Variants in ZNF169 observed in about 807,000 individuals in gnomAD.
The protein encoded by ZNF169 is zinc finger protein 169.
Under a neutral mutation model 12.0 loss-of-function variants are expected in ZNF169, and 11 were observed. The ratio of observed to expected loss-of-function variants is 0.92; its 90% CI spans 0.58 to 1.52. The LOEUF (loss-of-function observed/expected upper bound fraction) is 1.52, where lower values mean the gene tolerates loss of function less well. Ranked by LOEUF, ZNF169 falls within the 40% of genes most tolerant of loss-of-function variation. The probability of loss-of-function intolerance (pLI) is 0.00; values close to 1 mark genes in which losing one functional copy is unlikely to be tolerated. For missense variants in ZNF169, 722 were observed against 744.0 expected, an observed-to-expected ratio of 0.97 and a Z score of 0.34; for synonymous variants, 302 against 286.5, an observed-to-expected ratio of 1.05 and a Z score of -0.55.
intron 2 of ZNF169, among the ~76,000 whole-genome samples, chr9:94,280,348 G>C (rs535323210): frequency 9.3e-4 from 141 of 152,206 alleles, no homozygotes; most frequent in African/African-American, 3.1e-3. Context: ...ACTTTACTAT[G>C]TATGTTAACA....
In ZNF169 at chr9:94,278,753, C is replaced by T. The variant is rs1830567391; in HGVS notation, c.-55-5C>T. The T allele has an allele frequency of 1.3e-6, 2 of 1,560,262 alleles. No individual in the cohort carries two copies. The highest frequency in any genetic ancestry group is 3.4e-5 in the Admixed American group (2 of 59,174). On this transcript the variant is annotated splice_polypyrimidine_tract_variant and splice_region_variant and intron_variant, in intron 1 of 4. Transcript: ENST00000395395. ...ACCTCTCTCACTTCTCATCTCTTTC[C>T]CCAGATTTGCCTCTGCAACTTGACT... is the stretch of plus-strand genomic sequence containing the variant.
intron 4 of ZNF169, 173 bp downstream of exon 4, chr9:94,293,242 GA>G (rs1191741127): frequency 4.7e-6 from 3 of 643,686 alleles, no homozygotes; most frequent in African/African-American, 1.8e-5. Flanking sequence ...CTCCCCCCAG[GA>G]CAGGGCACCC....
intron 1 of ZNF169, among the ~76,000 whole-genome samples, chr9:94,265,759 A>G (rs915301764): frequency 3.3e-5 from 5 of 152,164 alleles, no homozygotes; most frequent in African/African-American, 1.2e-4. Context: ...AAGTGGGTCC[A>G]GGTGCTGGGG....
chr9:94,278,916 T>G (rs1830570444), intron 2 of ZNF169, 71 bp downstream of exon 2: 7 of 1,530,340 alleles, frequency 4.6e-6, no homozygotes, highest in Non-Finnish European at 6.3e-6. Context: ...GAAGGCTGCC[T>G]TCTTGGTGTT....
At chr9:94,280,341 T>G (rs1830605855) in intron 2 of ZNF169, among the ~76,000 whole-genome samples, 1 of 152,216 alleles carries the variant, frequency 6.6e-6, no homozygotes, top group Non-Finnish European at 1.5e-5. Context: ...GTGTTGCACT[T>G]TACTATGTAT....
intron 2 of ZNF169, among the ~76,000 whole-genome samples, chr9:94,285,210 G>A (rs942552306): frequency 2.0e-5 from 3 of 152,144 alleles, no homozygotes; most frequent in Non-Finnish European, 4.4e-5. Context: ...TGAGATAAAT[G>A]AAAGAATTAG....
At chr9:94,299,520 G>A in intron 4 of ZNF169, 1 of 1,326,426 alleles carries the variant, frequency 7.5e-7, no homozygotes, top group East Asian at 2.8e-5. Flanking sequence ...GGTTTAATAG[G>A]CTTGAGCTGG....
chr9:94,272,880 C>CTGTTTTGTTTTGTTT (rs534061540), intron 1 of ZNF169, among the ~76,000 whole-genome samples: 24 of 151,902 alleles, frequency 1.6e-4, no homozygotes, highest in African/African-American at 4.8e-4. Flanking sequence ...CACTTATTTT[C>CTGTTTTGTTTTGTTT]TGTTTTGTTT....
At chr9:94,288,865 T>C (rs1405137938) in intron 2 of ZNF169, among the ~76,000 whole-genome samples, 3 of 152,126 alleles carry the variant, frequency 2.0e-5, no homozygotes, top group Non-Finnish European at 4.4e-5. Flanking sequence ...TAGTTCTTTA[T>C]AGCAGGGTCC....
At chr9:94,283,914 C>CA (rs1470149101) in intron 2 of ZNF169, among the ~76,000 whole-genome samples, 4 of 150,008 alleles carry the variant, frequency 2.7e-5, no homozygotes, top group Admixed American at 1.3e-4. Context: ...ACTAAAAATA[C>CA]AAAAAAAATT....
At chr9:94,292,583 G>A in intron 3 of ZNF169, 116 bp downstream of exon 3, 3 of 1,346,138 alleles carry the variant, frequency 2.2e-6, no homozygotes, top group South Asian at 2.9e-5. Context: ...TTCCCCCAGA[G>A]AATGCCTGGC....
intron 1 of ZNF169, among the ~76,000 whole-genome samples, chr9:94,263,246 G>C (rs926443142): frequency 6.6e-6 from 1 of 152,018 alleles, no homozygotes; most frequent in African/African-American, 2.4e-5. Flanking sequence ...TTTGCTTCAC[G>C]TATTTTGAAG....
intron 4 of ZNF169, among the ~76,000 whole-genome samples, chr9:94,299,133 A>T (rs548116782): frequency 1.0e-3 from 152 of 152,354 alleles, no homozygotes; most frequent in African/African-American, 3.3e-3. Context: ...ACTTGGCTGC[A>T]GTCTTCCCAG....
intron 2 of ZNF169, among the ~76,000 whole-genome samples, chr9:94,282,226 TC>T (rs1165428835): frequency 6.6e-6 from 1 of 151,904 alleles, no homozygotes; most frequent in Non-Finnish European, 1.5e-5. Flanking sequence ...GGGCATGACT[TC>T]CCAGACCCCT....
At position 94,301,130 on chromosome 9, in the gene ZNF169, C is replaced by T; in HGVS notation, c.1572C>T (p.Gly524=). 6.2e-7 allele frequency: 1 copy of T among 1,613,998 alleles called. No homozygotes were observed. Residue 524 remains glycine (G), a synonymous_variant, in exon 5 of 5, where the codon GGC becomes GGT. Transcript: ENST00000395395. ...ACAGGGTGTGTGGACAAGGACTTGG[C>T]CAGAAGTCACACCTTATCTCTGACC... ...YVDRVCGQGL[G]QKSHLISDQR...
chr9:94,261,019 G>T (rs1830196570), intron 1 of ZNF169, among the ~76,000 whole-genome samples: 1 of 140,582 alleles, frequency 7.1e-6, no homozygotes. Flanking sequence ...GACGGGGTTT[G>T]TTTTTTGTTT....
chr9:94,294,133 A>G (rs1830903280), intron 4 of ZNF169: 1 of 152,166 alleles, frequency 6.6e-6, no homozygotes. Context: ...GAACATGTCC[A>G]AGAGTTTCTC....
intron 2 of ZNF169, among the ~76,000 whole-genome samples, chr9:94,282,707 A>T (rs62579661): frequency 0.14 from 21,693 of 152,100 alleles, 2,129 homozygotes; most frequent in Non-Finnish European, 0.21. Flanking sequence ...GAATCTTAAA[A>T]TTTTTAAAAA....
At chr9:94,265,512 A>T (rs571531265) in intron 1 of ZNF169, among the ~76,000 whole-genome samples, 7 of 151,824 alleles carry the variant, frequency 4.6e-5, no homozygotes, top group Non-Finnish European at 1.0e-4. Flanking sequence ...CCCGGGAGGT[A>T]GAGGTTGCAG....
Sources: gnomAD v4.1 joint callset for allele counts (sites outside exome capture counted in the v4.1 genomes callset) on GRCh38, gnomAD v4.1.1 for gene constraint, MANE v1.5 for transcripts, NCBI Gene and HGNC (gene_info 2026-07-23, HGNC 2026-07-21) for gene names.